AGBL1: variants seen among roughly 807,000 people sequenced by gnomAD.
AGBL1 encodes the protein AGBL carboxypeptidase 1.
AGBL1 carries 130 observed loss-of-function variants against 118.9 expected under a neutral mutation model. That is an observed-to-expected ratio of 1.09 (90% CI 0.95 to 1.26). The LOEUF is 1.26. Among genes scored for constraint, AGBL1 ranks in the 50% most tolerant of loss-of-function variants. AGBL1 has a pLI of 0.00. For missense variants in AGBL1, 1,584 were observed against 1,298.1 expected (o/e 1.22, Z -3.38); for synonymous variants, 555 against 478.9 (o/e 1.16, Z -2.08).
intron 1 of AGBL1, chr15:86,107,390 A>G (rs1897113738): frequency 1.3e-5 from 2 of 152,334 alleles, no homozygotes; most frequent in East Asian, 3.9e-4. Context: ...CTCTTAGGCA[A>G]GTTATCTAGC....
chr15:86,870,086 T>G (rs1473800230), intron 22 of AGBL1, among the ~76,000 whole-genome samples: 2 of 152,152 alleles, frequency 1.3e-5, no homozygotes, highest in Non-Finnish European at 2.9e-5. Flanking sequence ...CCCCCTATTC[T>G]AACACACAGA....
intron 5 of AGBL1, among the ~76,000 whole-genome samples, 154 bp from the exon 6 acceptor site, chr15:86,224,760 C>T (rs532989315): frequency 4.6e-5 from 7 of 152,228 alleles, no homozygotes; most frequent in East Asian, 1.9e-4. Context: ...ATTTATGCCT[C>T]TTTAATGGTC....
At chr15:86,651,701 C>T (rs2085373739) in intron 21 of AGBL1, among the ~76,000 whole-genome samples, 1 of 152,172 alleles carries the variant, frequency 6.6e-6, no homozygotes, top group African/African-American at 2.4e-5. Flanking sequence ...TTGACCCCTC[C>T]ATAGATTGCT....
At chr15:86,371,536 A>G (rs1007065668) in intron 17 of AGBL1, among the ~76,000 whole-genome samples, 1 of 152,178 alleles carries the variant, frequency 6.6e-6, no homozygotes, top group Admixed American at 6.5e-5. Context: ...TATAAATAAC[A>G]TACACACATA....
intron 5 of AGBL1, among the ~76,000 whole-genome samples, chr15:86,218,012 A>G (rs1240277257): frequency 6.6e-6 from 1 of 152,062 alleles, no homozygotes; most frequent in Non-Finnish European, 1.5e-5. Flanking sequence ...GTTGGGTGAG[A>G]GATATTTGGG....
At chr15:86,164,306 T>C (rs1220684246) in intron 5 of AGBL1, among the ~76,000 whole-genome samples, 1 of 152,174 alleles carries the variant, frequency 6.6e-6, no homozygotes, top group Non-Finnish European at 1.5e-5. Context: ...GGCCAGAGTG[T>C]GCTACCTCTT....
chr15:86,161,653 A>T (rs1057177172), intron 5 of AGBL1, among the ~76,000 whole-genome samples: 4 of 152,222 alleles, frequency 2.6e-5, no homozygotes, highest in African/African-American at 9.6e-5. Context: ...TTGCTTAATG[A>T]TAGAGGAGTC....
chr15:86,572,178 C>T (rs749297501), intron 21 of AGBL1, among the ~76,000 whole-genome samples: 3 of 152,118 alleles, frequency 2.0e-5, no homozygotes, highest in Admixed American at 6.5e-5. Context: ...CTTCCGGGCC[C>T]GCAGGGGGAA....
At chr15:86,817,154 G>C (rs1441907873) in intron 22 of AGBL1, among the ~76,000 whole-genome samples, 1 of 151,668 alleles carries the variant, frequency 6.6e-6, no homozygotes, top group African/African-American at 2.4e-5. Context: ...AGCCAGGCGT[G>C]GTGGTCAGGT....
intron 18 of AGBL1, among the ~76,000 whole-genome samples, chr15:86,477,608 A>G (rs1427568508): frequency 6.6e-6 from 1 of 152,182 alleles, no homozygotes; most frequent in Non-Finnish European, 1.5e-5. Context: ...CCAACCAAAA[A>G]AAGTTCAGGA....
intron 22 of AGBL1, among the ~76,000 whole-genome samples, chr15:86,844,871 G>C (rs943319967): frequency 6.6e-6 from 1 of 152,032 alleles, no homozygotes; most frequent in Non-Finnish European, 1.5e-5. Context: ...TATATGTATC[G>C]TATGAGGTAA....
At chr15:86,523,792 T>A (rs1385743231) in intron 19 of AGBL1, among the ~76,000 whole-genome samples, 1 of 152,132 alleles carries the variant, frequency 6.6e-6, no homozygotes, top group Non-Finnish European at 1.5e-5. Flanking sequence ...TACAATTGAT[T>A]GAAAAAACAC....
chr15:86,462,775 T>A lies in AGBL1; in HGVS notation c.2556-60035T>A, dbSNP rs540556935. On this transcript the variant is annotated intron_variant, in intron 18 of 22. Coordinates refer to ENST00000614907, the MANE Select transcript of AGBL1 (RefSeq NM_001386094.1). Reference sequence around the variant, plus strand: ...CAAAGGACATGAACTCATGCTTTTTTATGGCTGCATAATATTCCATGGTGT... The same window carrying A: ...CAAAGGACATGAACTCATGCTTTTTAATGGCTGCATAATATTCCATGGTGT... Among the ~76,000 whole-genome samples the A allele has an allele frequency of 1.3e-3, 193 of 152,352 alleles. 1 individual carries two copies. Among genetic ancestry groups the A allele is most frequent in the Admixed American group, 4.9e-3 (75 of 15,308 alleles).
chr15:86,483,943 T>G (rs963513584), intron 18 of AGBL1, among the ~76,000 whole-genome samples: 5 of 152,158 alleles, frequency 3.3e-5, no homozygotes, highest in African/African-American at 1.2e-4. Flanking sequence ...AGTATTCAGC[T>G]GAATGATCTT....
rs764744024 is a variant in AGBL1, at chr15:86,525,068, T to G, written c.2685+2129T>G. ...TTCAGTAAAGTCTCAGGCTACAAAA[T>G]CAATGTACACTAATCAATAGCACTG... On this transcript the variant is annotated intron_variant, in intron 19 of 22. Coordinates refer to ENST00000614907, the MANE Select transcript of AGBL1 (RefSeq NM_001386094.1). Among the ~76,000 whole-genome samples the G allele has an allele frequency of 7.6e-4, 115 of 152,076 alleles. 1 individual carries two copies. Among genetic ancestry groups the G allele is most frequent in the Non-Finnish European group, 1.3e-3 (91 of 67,992 alleles).
rs572696651 is a variant in AGBL1, at chr15:87,005,561, C to G, written c.3323+17473C>G. On this transcript the variant is annotated intron_variant, in intron 24 of 24. Coordinates refer to the AGBL1 transcript ENST00000441037. ...TCCATCAGGTCCTTTAAGGACTTCT[C>G]TGCATTAGTCAATCTGATTAGCCAT... Among the ~76,000 whole-genome samples, 5 of 152,300 alleles carry G rather than the reference C, an allele frequency of 3.3e-5. No individual in the cohort carries two copies. In the East Asian group the frequency reaches 7.7e-4, roughly 24 times the overall value.
At chr15:86,349,969 T>C (rs980663676) in intron 17 of AGBL1, among the ~76,000 whole-genome samples, 3 of 152,242 alleles carry the variant, frequency 2.0e-5, no homozygotes, top group African/African-American at 4.8e-5. Context: ...AAGCAGCTTA[T>C]AACATAAAGA....
At chr15:86,684,357 T>C (rs931264100) in intron 22 of AGBL1, among the ~76,000 whole-genome samples, 2 of 152,290 alleles carry the variant, frequency 1.3e-5, no homozygotes, top group African/African-American at 4.8e-5. Context: ...TAAAGAACCC[T>C]GGCTACATTC....
At chr15:86,497,814 G>T (rs116792819) in intron 18 of AGBL1, among the ~76,000 whole-genome samples, 3,418 of 151,906 alleles carry the variant, frequency 0.023, 119 homozygotes, top group African/African-American at 0.077. Flanking sequence ...CATGTAAATT[G>T]CCTTGCTTCC....
Sources: allele counts gnomAD v4.1 joint callset (sites outside exome capture counted in the v4.1 genomes callset), GRCh38; gene constraint gnomAD v4.1.1; transcripts MANE v1.5; gene names NCBI Gene and HGNC (gene_info 2026-07-23, HGNC 2026-07-21).